The following ZNF579 variants were observed in gnomAD, a reference collection of about 807,000 sequenced individuals.
ZNF579 encodes zinc finger protein 579.
ZNF579 carries 3 observed loss-of-function variants against 5.7 expected under a neutral mutation model. The observed-to-expected ratio is 0.53, with a 90% CI of 0.24 to 1.36. The LOEUF (loss-of-function observed/expected upper bound fraction) is 1.36, where lower values mean the gene tolerates loss of function less well. ZNF579 is among the 40% of genes most tolerant of loss of function. The pLI is 0.16. For missense variants in ZNF579, 679 were observed against 877.6 expected (o/e 0.77, Z 2.86); for synonymous variants, 454 against 409.0 (o/e 1.11, Z -1.33).
Position 55,578,066 on chromosome 19 carries a change from G to C in ZNF579, c.1574C>G (p.Pro525Arg). 6.3e-7 allele frequency: 1 copy of C among 1,581,744 alleles called. No homozygotes were observed. Among genetic ancestry groups the C allele is most frequent in the African/African-American group, 1.3e-5 (1 of 74,602 alleles). ...GAAACAGGAGGCGCTGAGGAAGACA[G>C]GGGGAGCCGGCGGGGACTGGGGTGG... is the stretch of plus-strand genomic sequence containing the variant. ...GTPPQSPPAP[P>R]VFLSASCFDS... is the part of the protein sequence containing the mutation. The change falls in exon 2 of 2, where the codon CCT becomes CGT. Residue 525 changes from proline (P) to arginine (R), a missense_variant. This residue lies in a region of ZNF579 where 116 missense variants were observed against 121.9 expected (regional missense o/e 0.95). Coordinates refer to ENST00000325421, the MANE Select transcript of ZNF579 (RefSeq NM_152600.3).
At position 55,577,892 on chromosome 19, in the gene ZNF579, T is replaced by G. The variant is rs1024736711; in HGVS notation, c.*59A>C. 1 of 1,541,372 alleles carries G rather than the reference T, an allele frequency of 6.5e-7. No individual in the cohort carries two copies. Among genetic ancestry groups the G allele is most frequent in the Non-Finnish European group, 8.7e-7 (1 of 1,146,144 alleles). On this transcript the variant is annotated 3_prime_UTR_variant, in exon 2 of 2. Transcript: ENST00000325421. ...GAGGAGGTGGCTCCTTCAACTTCCC[T>G]CCTCCATTCTGCAAACCGGGGAGCT...
intron 1 of ZNF579, among the ~76,000 whole-genome samples, chr19:55,580,258 G>A (rs1273121209): frequency 6.6e-6 from 1 of 152,056 alleles, no homozygotes; most frequent in Non-Finnish European, 1.5e-5. Flanking sequence ...CTGAGTGGAG[G>A]GGGTGGGATT....
chr19:55,578,904 T>G lies in ZNF579; in HGVS notation c.736A>C (p.Lys246Gln). Residue 246 changes from lysine (K) to glutamine (Q), a missense_variant, in exon 2 of 2, where the codon AAG (lysine) becomes CAG (glutamine). Lys to Gln is a moderately conservative substitution (Grantham distance 53). Transcript: ENST00000325421. ...TCGGGGCGCAGACACGGGTGCGCCTTGAGCTCGCCCTTGGTGGCGAAGGCT... is the reference window on the plus strand; with the variant it reads ...TCGGGGCGCAGACACGGGTGCGCCTGGAGCTCGCCCTTGGTGGCGAAGGCT... The part of the protein sequence containing the change: ...REAFATKGEL[K>Q]AHPCLRPEGE... 6.3e-7 allele frequency: 1 copy of G among 1,589,378 alleles called. No homozygotes were observed. The highest frequency in any genetic ancestry group is 8.6e-7 in the Non-Finnish European group (1 of 1,168,884).
rs760931741 is a variant in ZNF579, at chr19:55,578,179, G to A, written c.1461C>T (p.Pro487=). Reference sequence around the variant, plus strand: ...CCTGCTCGGCCTTCAGGGGCGGCGGGGGCGGTGGCGGCGACGTCGGGGCCT... The same window carrying A: ...CCTGCTCGGCCTTCAGGGGCGGCGGAGGCGGTGGCGGCGACGTCGGGGCCT... ...QAQAPTSPPP[P]PPPLKAEQEE... The change falls in exon 2 of 2, where the codon CCC becomes CCT. Residue 487 remains proline, a synonymous_variant. Coordinates refer to ENST00000325421, the MANE Select transcript of ZNF579 (RefSeq NM_152600.3). 8 of 1,497,686 alleles carry A rather than the reference G, an allele frequency of 5.3e-6. No individual in the cohort carries two copies. The highest frequency in any genetic ancestry group is 7.1e-6 in the Non-Finnish European group (8 of 1,125,146). 92.8% of individuals were successfully genotyped at this position (1,497,686 alleles called of 1,614,324 possible).
At chr19:55,579,870 T>C (rs979173222) in intron 1 of ZNF579, 3 of 416,958 alleles carry the variant, frequency 7.2e-6, no homozygotes, top group African/African-American at 2.1e-5. Context: ...GAGCAGGGAA[T>C]AGAGACAGGA....
rs747077434 is a variant in ZNF579 at position 55,579,129 on chromosome 19, G to A, written c.511C>T (p.Pro171Ser). The A allele has an allele frequency of 6.6e-6, 10 of 1,525,326 alleles. No individual in the cohort carries two copies. The highest frequency in any genetic ancestry group is 8.8e-6 in the Non-Finnish European group (10 of 1,142,256). The allele number at this position is 1,525,326 out of a possible 1,614,324, so 94.5% of individuals were successfully genotyped here. A position where few individuals can be genotyped will look rare whatever the true frequency, so the allele number is the denominator to read the frequency against. ...GGCTCCCCCGCAGGCCACGTCTCAG[G>A]CCACGCTGCGACCGCCTCCTCCTCC... ...ATEEEAVAAW[P>S]ETWPAGEPST... Residue 171 changes from proline (P) to serine (S), a missense_variant, in exon 2 of 2, where the codon CCT becomes TCT. Physicochemically the swap from Pro to Ser is moderately conservative, Grantham distance 74. Coordinates refer to ENST00000325421, the MANE Select transcript of ZNF579 (RefSeq NM_152600.3).
At position 55,578,076 on chromosome 19, in the gene ZNF579, G is replaced by A. The variant is rs1358377938; in HGVS notation, c.1564C>T (p.Pro522Ser). The A allele has an allele frequency of 6.3e-7, 1 of 1,575,966 alleles. No individual in the cohort carries two copies. The highest frequency in any genetic ancestry group is 1.2e-5 in the South Asian group (1 of 86,186). Residue 522 changes from proline to serine, a missense_variant, in exon 2 of 2, where the codon CCG (proline) becomes TCG (serine). Pro to Ser is a moderately conservative substitution (Grantham distance 74). Around this residue, in one of 6 missense-constraint regions of ZNF579, gnomAD observed 116 missense variants for 121.9 expected, o/e 0.95. Coordinates refer to ENST00000325421, the MANE Select transcript of ZNF579 (RefSeq NM_152600.3). Reference sequence around the variant, plus strand: ...GCGCTGAGGAAGACAGGGGGAGCCGGCGGGGACTGGGGTGGGGTCCCCGGA... The same window carrying A: ...GCGCTGAGGAAGACAGGGGGAGCCGACGGGGACTGGGGTGGGGTCCCCGGA... ...PSPGTPPQSPPAPPVFLSASC... is the reference protein window; with the variant it reads ...PSPGTPPQSPSAPPVFLSASC...
chr19:55,577,449 T>G lies in ZNF579; in HGVS notation c.*502A>C, dbSNP rs1979408543. ...TGTCCTTCCTGCTCTGAACCCAAGTTCAGAGTTGGCTGGACAAATCCTGAC... is the reference window on the plus strand; with the variant it reads ...TGTCCTTCCTGCTCTGAACCCAAGTGCAGAGTTGGCTGGACAAATCCTGAC... On this transcript the variant is annotated 3_prime_UTR_variant, in exon 2 of 2. Transcript: ENST00000325421. 1 of 164,276 alleles carries G rather than the reference T, an allele frequency of 6.1e-6. No homozygotes were observed. The highest frequency in any genetic ancestry group is 1.5e-4 in the South Asian group (1 of 6,534). The allele number at this position is 164,276 out of a possible 1,614,324, so 10.2% of individuals were successfully genotyped here.
rs192618440 is a variant in ZNF579 at position 55,578,052 on chromosome 19, C to A, written c.1588G>T (p.Ala530Ser). 3 of 1,589,458 alleles carry A rather than the reference C, an allele frequency of 1.9e-6. No individual in the cohort carries two copies. The highest frequency in any genetic ancestry group is 1.7e-6 in the Non-Finnish European group (2 of 1,168,116). ...TGGTCTTGGCTGTCGAAACAGGAGG[C>A]GCTGAGGAAGACAGGGGGAGCCGGC... Reference protein sequence around the residue: ...SPPAPPVFLSASCFDSQDHSA... With the variant: ...SPPAPPVFLSSSCFDSQDHSA... The change falls in exon 2 of 2, where the codon GCC becomes TCC. Residue 530 changes from alanine to serine, a missense_variant. Ala to Ser is a moderately conservative substitution (Grantham distance 99). Transcript: ENST00000325421.
Position 55,579,292 on chromosome 19 carries a change from C to T in ZNF579, c.348G>A (p.Arg116=). The change falls in exon 2 of 2, where the codon AGG becomes AGA. Residue 116 remains arginine (R), a synonymous_variant. Coordinates refer to ENST00000325421, the MANE Select transcript of ZNF579 (RefSeq NM_152600.3). The part of the protein sequence containing the change: ...PRTFPEPAQL[R]RHLAQEHAGG... ...CCGCGTGCTCCTGAGCCAGGTGGCG[C>T]CTGAGCTGGGCCGGTTCTGGGAAGG... is the stretch of plus-strand genomic sequence containing the variant. 1 of 1,511,130 alleles carries T rather than the reference C, an allele frequency of 6.6e-7. No individual in the cohort carries two copies. 93.6% of individuals were successfully genotyped at this position (1,511,130 alleles called of 1,614,324 possible).
In ZNF579 at chr19:55,578,671, G is replaced by A. The variant is rs775782973; in HGVS notation, c.969C>T (p.Leu323=). ...CCGCGGGCAGCGGGGCCAGCAGGCT[G>A]AGGGGGCCGTGGACGCGGCGGTGCT... is the stretch of plus-strand genomic sequence containing the variant. ...LRQHRRVHGP[L]SLLAPLPAAG... Residue 323 remains leucine (L), a synonymous_variant, in exon 2 of 2, where the codon CTC becomes CTT. Coordinates refer to ENST00000325421, the MANE Select transcript of ZNF579 (RefSeq NM_152600.3). The A allele has an allele frequency of 3.2e-6, 5 of 1,545,490 alleles. 1 individual carries two copies. Among genetic ancestry groups the A allele is most frequent in the Non-Finnish European group, 8.7e-7 (1 of 1,154,946 alleles).
Position 55,579,424 on chromosome 19 carries a change from G to A in ZNF579, c.216C>T (p.His72=), listed in dbSNP as rs948699803. 343 of 1,336,848 alleles carry A rather than the reference G, an allele frequency of 2.6e-4. 1 individual carries two copies. The highest frequency in any genetic ancestry group is 3.1e-4 in the Non-Finnish European group (327 of 1,042,082). The allele number at this position is 1,336,848 out of a possible 1,614,324, so 82.8% of individuals were successfully genotyped here. A position where few individuals can be genotyped will look rare whatever the true frequency, so the allele number is the denominator to read the frequency against. Residue 72 remains histidine (H), a synonymous_variant, in exon 2 of 2, where the codon CAC becomes CAT. Coordinates refer to ENST00000325421, the MANE Select transcript of ZNF579 (RefSeq NM_152600.3). ...HRLSHSGLRP[H]ACPLCPKAFR... is the part of the protein sequence containing the mutation. ...AGGCCTTGGGGCACAGCGGGCAGGC[G>A]TGGGGCCGGAGCCCCGAGTGGCTCA...
rs763106321 is a variant in ZNF579 at position 55,578,587 on chromosome 19, C to A, written c.1053G>T (p.Gly351=). ...CACCCCCGCACTCCGCCCCCTCGCC[C>A]CCCTCCGGCCCCTTGGCTGAGTTCC... The part of the protein sequence containing the change: ...GARNSAKGPE[G]GEGAECGGAS... Residue 351 remains glycine, a synonymous_variant, in exon 2 of 2, where the codon GGG becomes GGT. Coordinates refer to ENST00000325421, the MANE Select transcript of ZNF579 (RefSeq NM_152600.3). The A allele has an allele frequency of 1.3e-6, 2 of 1,487,038 alleles. No homozygotes were observed. Among genetic ancestry groups the A allele is most frequent in the East Asian group, 2.5e-5 (1 of 39,274 alleles). The allele number at this position is 1,487,038 out of a possible 1,614,324, so 92.1% of individuals were successfully genotyped here. A position where few individuals can be genotyped will look rare whatever the true frequency, so the allele number is the denominator to read the frequency against.
chr19:55,577,934 G>A lies in ZNF579; in HGVS notation c.*17C>T. ...CGGGGAGCTCAGGCGGAGCGGCGGA[G>A]GGCAGGGCGGCGAAGGTCAGGAGGC... On this transcript the variant is annotated 3_prime_UTR_variant, in exon 2 of 2. Coordinates refer to ENST00000325421, the MANE Select transcript of ZNF579 (RefSeq NM_152600.3). 1 of 1,572,474 alleles carries A rather than the reference G, an allele frequency of 6.4e-7. No homozygotes were observed. Among genetic ancestry groups the A allele is most frequent in the Non-Finnish European group, 8.6e-7 (1 of 1,159,622 alleles).
Position 55,579,532 on chromosome 19 carries a change from GC to G in ZNF579, c.107del (p.Gly36AlafsTer29). On this transcript the variant is annotated frameshift_variant, in exon 2 of 2. Transcript: ENST00000325421. LOFTEE classifies it low-confidence loss of function (END_TRUNC). ...GCAGGGGCGCCCTAGGGGCTCCAGC[GC>G]CCCCCCTGCCACGGCCACGGCCCCG... is the stretch of plus-strand genomic sequence containing the variant. The part of the protein sequence containing the change: ...RGRGRGRGRG[G>X]AGAPRAPLPC... The G allele has an allele frequency of 1.7e-5, 25 of 1,442,302 alleles. No individual in the cohort carries two copies. Among genetic ancestry groups the G allele is most frequent in the African/African-American group, 3.0e-5 (2 of 66,264 alleles). The allele number at this position is 1,442,302 out of a possible 1,614,324, so 89.3% of individuals were successfully genotyped here.
At position 55,577,975 on chromosome 19, in the gene ZNF579, G is replaced by A. The variant is rs1407097142; in HGVS notation, c.1665C>T (p.Arg555=). The change falls in exon 2 of 2, where the codon CGC becomes CGT. Residue 555 remains arginine, a synonymous_variant. Coordinates refer to ENST00000325421, the MANE Select transcript of ZNF579 (RefSeq NM_152600.3). ...EEEVDSKAHL[R]GLGGLAS is the part of the protein sequence containing the mutation. The stretch of plus-strand genomic sequence containing the variant: ...GTCAGGAGGCCAGGCCCCCCAGCCC[G>A]CGCAGGTGAGCCTTGCTGTCTACCT... 6.9e-6 allele frequency: 11 copies of A among 1,595,958 alleles called. No individual in the cohort carries two copies. The highest frequency in any genetic ancestry group is 8.5e-6 in the Non-Finnish European group (10 of 1,171,528).
In ZNF579 at chr19:55,578,631, C is replaced by T. The variant is rs373942244; in HGVS notation, c.1009G>A (p.Asp337Asn). The T allele has an allele frequency of 1.3e-6, 2 of 1,527,552 alleles. No homozygotes were observed. Among genetic ancestry groups the T allele is most frequent in the Non-Finnish European group, 1.7e-6 (2 of 1,148,534 alleles). The allele number at this position is 1,527,552 out of a possible 1,614,324, so 94.6% of individuals were successfully genotyped here. ...APLPAAGKKD[D>N]KASGARNSAK... is the part of the protein sequence containing the mutation. ...GAGTTCCGTGCACCCGAGGCCTTGT[C>T]GTCCTTCTTGCCCGCCGCGGGCAGC... is the stretch of plus-strand genomic sequence containing the variant. Residue 337 changes from aspartate (D) to asparagine (N), a missense_variant, in exon 2 of 2, where the codon GAC (aspartate) becomes AAC (asparagine). By Grantham distance (23) the Asp-to-Asn change is conservative. Around this residue, in one of 6 missense-constraint regions of ZNF579, gnomAD observed 114 missense variants for 98.9 expected, o/e 1.15. Coordinates refer to ENST00000325421, the MANE Select transcript of ZNF579 (RefSeq NM_152600.3).
In ZNF579 at chr19:55,577,979, A is replaced by T. The variant is rs1307073503; in HGVS notation, c.1661T>A (p.Leu554Gln). 6.3e-7 allele frequency: 1 copy of T among 1,597,972 alleles called. No individual in the cohort carries two copies. The change falls in exon 2 of 2, where the codon CTG becomes CAG. Residue 554 changes from leucine to glutamine, a missense_variant. Physicochemically the swap from Leu to Gln is moderately radical, Grantham distance 113. Around this residue, in one of 6 missense-constraint regions of ZNF579, gnomAD observed 116 missense variants for 121.9 expected, o/e 0.95. Coordinates refer to ENST00000325421, the MANE Select transcript of ZNF579 (RefSeq NM_152600.3). ...EEEEVDSKAH[L>Q]RGLGGLAS ...GGAGGCCAGGCCCCCCAGCCCGCGC[A>T]GGTGAGCCTTGCTGTCTACCTCTTC...
chr19:55,578,834 C>T lies in ZNF579; in HGVS notation c.806G>A (p.Arg269Gln). Residue 269 changes from arginine to glutamine, a missense_variant, in exon 2 of 2, where the codon CGA becomes CAA. Arg to Gln is a conservative substitution (Grantham distance 43). Coordinates refer to ENST00000325421, the MANE Select transcript of ZNF579 (RefSeq NM_152600.3). ...CTTGAGGCAGATGGAGCACTGGTGT[C>T]GCTTGGGGCGTGGCGGGGGCCCCCC... ...GEGGPPPRPKRHQCSICLKAF... is the reference protein window; with the variant it reads ...GEGGPPPRPKQHQCSICLKAF... The T allele has an allele frequency of 7.5e-6, 12 of 1,601,800 alleles. No homozygotes were observed. Among genetic ancestry groups the T allele is most frequent in the Non-Finnish European group, 9.4e-6 (11 of 1,173,340 alleles).
Sources: allele counts gnomAD v4.1 joint callset (sites outside exome capture counted in the v4.1 genomes callset), GRCh38; gene constraint gnomAD v4.1.1; regional missense constraint gnomAD v4.1.1; transcripts MANE v1.5; gene names NCBI Gene and HGNC (gene_info 2026-07-23, HGNC 2026-07-21).